OLFM2: variants seen among roughly 807,000 people sequenced by gnomAD.
The protein encoded by OLFM2 is olfactomedin 2, also known as noelin-2.
OLFM2 carries 20 observed loss-of-function variants against 43.9 expected under a neutral mutation model. The ratio of observed to expected loss-of-function variants is 0.46; its 90% confidence interval spans 0.32 to 0.66. The LOEUF is 0.66. Ranked by LOEUF, OLFM2 falls within the 30% of genes least tolerant of loss-of-function variation. The pLI, the probability that OLFM2 is intolerant of heterozygous loss-of-function variation, is 0.04. For synonymous variants in OLFM2, 268 were observed against 278.6 expected (o/e 0.96, Z 0.38); for missense variants, 416 against 643.6 (o/e 0.65, Z 3.83).
chr19:9,904,522 CT>C (rs1157867114), intron 1 of OLFM2, among the ~76,000 whole-genome samples: 2 of 151,804 alleles, frequency 1.3e-5, no homozygotes, highest in Admixed American at 1.3e-4. Context: ...GGCTTCATAA[CT>C]AGAAAGCTAA....
At chr19:9,874,778 G>T (rs1227457446) in intron 1 of OLFM2, among the ~76,000 whole-genome samples, 1 of 152,078 alleles carries the variant, frequency 6.6e-6, no homozygotes, top group Non-Finnish European at 1.5e-5. Flanking sequence ...ACCGCACCCA[G>T]TCTTTTATTT....
At chr19:9,905,798 C>T (rs116352274) in intron 1 of OLFM2, among the ~76,000 whole-genome samples, 9 of 152,132 alleles carry the variant, frequency 5.9e-5, no homozygotes, top group Non-Finnish European at 1.2e-4. Flanking sequence ...AGAAGAAAAG[C>T]TTTACCTGCA....
chr19:9,892,729 C>G lies in OLFM2; in HGVS notation c.64-31935G>C, dbSNP rs547113821. 3.9e-5 allele frequency among the ~76,000 whole-genome samples: 6 copies of G among 152,232 alleles called. No homozygotes were observed. The South Asian group carries it at 1.0e-3, about 26-fold the overall frequency. On this transcript the variant is annotated intron_variant, in intron 1 of 5. Transcript: ENST00000264833. Reference sequence around the variant, plus strand: ...AATAAAAATAAAATTCTCATCCCCTCATGAGTCCTGGGACATTCCAAGTCA... The same window carrying G: ...AATAAAAATAAAATTCTCATCCCCTGATGAGTCCTGGGACATTCCAAGTCA...
At chr19:9,887,374 T>C (rs2046597025) in intron 1 of OLFM2, among the ~76,000 whole-genome samples, 1 of 151,882 alleles carries the variant, frequency 6.6e-6, no homozygotes, top group Non-Finnish European at 1.5e-5. Flanking sequence ...AGATGAGGTT[T>C]CTCCATGTTG....
intron 1 of OLFM2, among the ~76,000 whole-genome samples, chr19:9,887,667 G>C (rs1370142427): frequency 6.6e-6 from 1 of 151,934 alleles, no homozygotes; most frequent in Non-Finnish European, 1.5e-5. Flanking sequence ...ACAGCAGCCA[G>C]AGAGCACCTG....
At chr19:9,924,782 G>A (rs1049245043) in intron 1 of OLFM2, among the ~76,000 whole-genome samples, 14 of 152,112 alleles carry the variant, frequency 9.2e-5, no homozygotes, top group Non-Finnish European at 1.5e-4. Flanking sequence ...AGGCCGTGAC[G>A]TGTGTCACGG....
chr19:9,914,080 G>T (rs2046855467), intron 1 of OLFM2, among the ~76,000 whole-genome samples: 1 of 150,732 alleles, frequency 6.6e-6, no homozygotes, highest in Non-Finnish European at 1.5e-5. Flanking sequence ...CCCCCCAACG[G>T]TATTCCCGGC....
intron 1 of OLFM2, among the ~76,000 whole-genome samples, chr19:9,873,911 A>G (rs1247562940): frequency 7.0e-6 from 1 of 143,188 alleles, no homozygotes; most frequent in African/African-American, 2.6e-5. Context: ...TTGGTCTCCC[A>G]AAGCGCTGAA....
intron 2 of OLFM2, among the ~76,000 whole-genome samples, chr19:9,859,488 T>C (rs2046350421): frequency 6.6e-6 from 1 of 152,016 alleles, no homozygotes; most frequent in South Asian, 2.1e-4. Flanking sequence ...GGCTAATTTT[T>C]GTATTTTTGG....
intron 1 of OLFM2, among the ~76,000 whole-genome samples, chr19:9,925,174 T>C (rs2086445336): frequency 6.6e-6 from 1 of 152,040 alleles, no homozygotes; most frequent in South Asian, 2.1e-4. Flanking sequence ...GGAGAATGGC[T>C]TGAGTCCGGA....
chr19:9,916,063 G>C (rs1036032703), intron 1 of OLFM2, among the ~76,000 whole-genome samples: 1 of 151,736 alleles, frequency 6.6e-6, no homozygotes, highest in African/African-American at 2.4e-5. Flanking sequence ...TACCATTGTT[G>C]TTATTATTTG....
At chr19:9,904,159 T>A (rs1404305840) in intron 1 of OLFM2, among the ~76,000 whole-genome samples, 1 of 69,144 alleles carries the variant, frequency 1.4e-5, no homozygotes, top group Non-Finnish European at 3.0e-5. Context: ...TGTTTGTGTG[T>A]GTGTGTGTGT....
intron 1 of OLFM2, chr19:9,913,761 G>C: frequency 1.2e-6 from 1 of 836,602 alleles, no homozygotes; most frequent in Non-Finnish European, 1.5e-6. Context: ...CAGGGGGTCC[G>C]GGACGGGGTG....
chr19:9,915,496 TTTTATTTATTTATTTA>T (rs60485300), intron 1 of OLFM2, among the ~76,000 whole-genome samples: 2 of 94,086 alleles, frequency 2.1e-5, no homozygotes, highest in Non-Finnish European at 5.5e-5. Context: ...AAAGGGACTT[TTTTATTTATTTATTTA>T]TTTATTTATT....
At chr19:9,899,291 C>T (rs1046645487) in intron 1 of OLFM2, among the ~76,000 whole-genome samples, 1 of 151,868 alleles carries the variant, frequency 6.6e-6, no homozygotes, top group African/African-American at 2.4e-5. Context: ...AGAATAAAAG[C>T]CAACAGTTCA....
At chr19:9,923,596 G>T (rs1054880381) in intron 1 of OLFM2, among the ~76,000 whole-genome samples, 14 of 133,158 alleles carry the variant, frequency 1.1e-4, no homozygotes, top group African/African-American at 3.9e-4. Context: ...AAGAAAGAAG[G>T]AAAGAAAGGA....
Position 9,857,982 on chromosome 19 carries a change from TCTC to T in OLFM2, c.214-124_214-122del, listed in dbSNP as rs2046336413. Reference sequence around the variant, plus strand: ...AAACACCACACCGACGAGGCCACCTTCTCCTCCCCTGAGCTTACCAGCAGCCTC... The same window carrying T: ...AAACACCACACCGACGAGGCCACCTTCTCCCCTGAGCTTACCAGCAGCCTC... On this transcript the variant is annotated intron_variant, in intron 2 of 5. Transcript: ENST00000264833. This position sits in a 1 kb window ranked among gnomAD's most constrained non-coding sequence, Gnocchi z 5.7. 2.4e-6 allele frequency: 3 copies of T among 1,248,406 alleles called. No individual in the cohort carries two copies. The highest frequency in any genetic ancestry group is 1.3e-5 in the South Asian group (1 of 79,364). The allele number at this position is 1,248,406 out of a possible 1,614,324, so 77.3% of individuals were successfully genotyped here.
chr19:9,889,734 C>T (rs1220135603), intron 1 of OLFM2, among the ~76,000 whole-genome samples: 3 of 152,024 alleles, frequency 2.0e-5, no homozygotes, highest in East Asian at 1.9e-4. Flanking sequence ...CGTGTGTGTG[C>T]GCCAATGCAC....
intron 1 of OLFM2, among the ~76,000 whole-genome samples, chr19:9,882,075 C>G (rs539896888): frequency 6.6e-6 from 1 of 151,652 alleles, no homozygotes; most frequent in South Asian, 2.1e-4. Flanking sequence ...CTCATCTCTA[C>G]AAAAAATACA....
Sources: gnomAD v4.1 joint callset for allele counts (sites outside exome capture counted in the v4.1 genomes callset) on GRCh38, gnomAD v4.1.1 for gene constraint, Gnocchi (gnomAD v3.1) non-coding constraint, MANE v1.5 for transcripts, NCBI Gene and HGNC (gene_info 2026-07-23, HGNC 2026-07-21) for gene names.